TOX: variants seen among roughly 807,000 people sequenced by gnomAD.
TOX encodes the protein thymocyte selection associated high mobility group box, also known as thymocyte selection-associated high mobility group box protein TOX.
A neutral mutation model predicts 53.7 loss-of-function variants in TOX; 11 were observed. That is an observed-to-expected ratio of 0.20 (90% confidence interval 0.13 to 0.34). The LOEUF is 0.34. Ranked by LOEUF, TOX falls within the 10% of genes least tolerant of loss-of-function variation. TOX has a pLI of 1.00. For synonymous variants in TOX, 225 were observed against 245.3 expected (o/e 0.92, Z 0.77); for missense variants, 570 against 664.6 (o/e 0.86, Z 1.56).
At chr8:59,045,267 C>T (rs1211441333) in intron 1 of TOX, among the ~76,000 whole-genome samples, 4 of 152,156 alleles carry the variant, frequency 2.6e-5, no homozygotes, top group South Asian at 2.1e-4. Context: ...TTAGAAGCAA[C>T]TGCACTGTAT....
chr8:59,116,440 T>G (rs894634187), intron 1 of TOX, among the ~76,000 whole-genome samples: 1 of 152,250 alleles, frequency 6.6e-6, no homozygotes, highest in African/African-American at 2.4e-5. Flanking sequence ...AATCCACTCA[T>G]GTCATTGCAA....
chr8:58,987,608 A>G (rs1267610667), intron 1 of TOX, among the ~76,000 whole-genome samples: 1 of 152,222 alleles, frequency 6.6e-6, no homozygotes, highest in East Asian at 1.9e-4. Context: ...GGAGTAGACC[A>G]CTGGAACTCA....
intron 2 of TOX, among the ~76,000 whole-genome samples, chr8:58,949,757 T>C (rs1812588131): frequency 1.3e-5 from 2 of 151,906 alleles, no homozygotes; most frequent in Non-Finnish European, 2.9e-5. Context: ...GGCTAGGTTC[T>C]ATTTGCTAAG....
chr8:59,012,911 T>G (rs1813935051), intron 1 of TOX, among the ~76,000 whole-genome samples: 3 of 149,382 alleles, frequency 2.0e-5, no homozygotes, highest in Non-Finnish European at 3.0e-5. Flanking sequence ...CCACATTTGT[T>G]CCCATAGGTT....
intron 3 of TOX, among the ~76,000 whole-genome samples, chr8:58,877,043 C>T (rs1204228082): frequency 6.6e-6 from 1 of 152,174 alleles, no homozygotes; most frequent in East Asian, 1.9e-4. Flanking sequence ...ACAAAGGCTG[C>T]TAAAATATTT....
At chr8:58,881,668 G>C (rs1202429042) in intron 3 of TOX, among the ~76,000 whole-genome samples, 1 of 137,172 alleles carries the variant, frequency 7.3e-6, no homozygotes, top group East Asian at 2.3e-4. Flanking sequence ...AGGTTGCAGT[G>C]AGCCGAGATC....
intron 1 of TOX, among the ~76,000 whole-genome samples, chr8:58,998,740 T>C (rs1813632912): frequency 6.6e-6 from 1 of 151,252 alleles, no homozygotes; most frequent in South Asian, 2.1e-4. Context: ...AAACAAAAGA[T>C]AAATATTCAC....
intron 1 of TOX, among the ~76,000 whole-genome samples, chr8:59,005,891 C>G (rs908144292): frequency 1.3e-5 from 2 of 152,200 alleles, no homozygotes; most frequent in Non-Finnish European, 2.9e-5. Flanking sequence ...TTTAGCAGTT[C>G]TGATGCATTT....
chr8:58,945,591 G>T (rs901433614), intron 2 of TOX, among the ~76,000 whole-genome samples: 30 of 152,124 alleles, frequency 2.0e-4, no homozygotes, highest in Non-Finnish European at 3.8e-4. Context: ...TGCTTTACAT[G>T]TTCCATGATC....
intron 1 of TOX, among the ~76,000 whole-genome samples, chr8:59,102,352 C>T (rs1343191016): frequency 1.3e-5 from 2 of 152,070 alleles, no homozygotes; most frequent in Non-Finnish European, 2.9e-5. Flanking sequence ...CTCAGCCTCC[C>T]GAGTAGCTGG....
chr8:58,942,530 C>A (rs1259767565), intron 2 of TOX, among the ~76,000 whole-genome samples: 2 of 152,048 alleles, frequency 1.3e-5, no homozygotes, highest in South Asian at 4.2e-4. Context: ...GTAATTGATG[C>A]CATATAAAAG....
intron 1 of TOX, among the ~76,000 whole-genome samples, chr8:58,985,128 A>T (rs1422350963): frequency 6.7e-6 from 1 of 149,762 alleles, no homozygotes; most frequent in Non-Finnish European, 1.5e-5. Flanking sequence ...ACTCATGTCC[A>T]TAGTCTATAT....
intron 3 of TOX, among the ~76,000 whole-genome samples, chr8:58,884,550 A>C (rs1811436180): frequency 6.6e-6 from 1 of 152,178 alleles, no homozygotes; most frequent in African/African-American, 2.4e-5. Context: ...AGAGCTTTGC[A>C]GGTATAAGAA....
intron 1 of TOX, among the ~76,000 whole-genome samples, chr8:58,990,283 C>A (rs1170209431): frequency 6.6e-6 from 1 of 152,088 alleles, no homozygotes; most frequent in African/African-American, 2.4e-5. Flanking sequence ...ATGCTTTTAA[C>A]CATGATATGG....
At chr8:58,902,259 A>G (rs1028152233) in intron 3 of TOX, among the ~76,000 whole-genome samples, 1 of 152,168 alleles carries the variant, frequency 6.6e-6, no homozygotes, top group African/African-American at 2.4e-5. Flanking sequence ...TAACTCTTGC[A>G]TTTACTTACT....
chr8:58,967,587 G>A (rs552997576), intron 1 of TOX, among the ~76,000 whole-genome samples: 2 of 152,282 alleles, frequency 1.3e-5, no homozygotes, highest in East Asian at 3.9e-4. Context: ...GCACCTGGCT[G>A]GAGCTGAGGA....
chr8:58,974,582 C>G (rs754451822), intron 1 of TOX, among the ~76,000 whole-genome samples: 2 of 151,966 alleles, frequency 1.3e-5, no homozygotes, highest in African/African-American at 2.4e-5. Context: ...AATCAAAGAG[C>G]CTTGATTGTC....
At chr8:59,106,824 C>T (rs189558573) in intron 1 of TOX, among the ~76,000 whole-genome samples, 3 of 152,042 alleles carry the variant, frequency 2.0e-5, no homozygotes, top group African/African-American at 7.3e-5. Flanking sequence ...AATTTTTCAC[C>T]AAGATTGGGT....
intron 3 of TOX, among the ~76,000 whole-genome samples, chr8:58,852,314 T>G (rs1810838330): frequency 6.6e-6 from 1 of 152,340 alleles, no homozygotes; most frequent in South Asian, 2.1e-4. Flanking sequence ...GTACTCAGTT[T>G]AAAGCTTTAC....
Sources: gnomAD v4.1 joint callset for allele counts (sites outside exome capture counted in the v4.1 genomes callset) on GRCh38, gnomAD v4.1.1 for gene constraint, MANE v1.5 for transcripts, NCBI Gene and HGNC (gene_info 2026-07-23, HGNC 2026-07-21) for gene names.